Variants in H2BC5 observed in about 807,000 individuals in gnomAD.
H2BC5 encodes histone H2B type 1-D.
A neutral mutation model predicts 5.7 loss-of-function variants in H2BC5; 9 were observed. That is an observed-to-expected ratio of 1.57 (90% confidence interval 0.95 to 2.74). The LOEUF (loss-of-function observed/expected upper bound fraction) is 2.74. H2BC5 is among the 30% of genes most tolerant of loss of function. The pLI, the probability that H2BC5 is intolerant of heterozygous loss-of-function variation, is 0.00. For missense variants in H2BC5, 175 were observed against 168.8 expected (o/e 1.04, Z -0.20); for synonymous variants, 133 against 70.9 (o/e 1.88, Z -4.40).
downstream of H2BC5, among the ~76,000 whole-genome samples, chr6:26,159,978 A>G (rs1764326683): frequency 6.6e-6 from 1 of 152,190 alleles, no homozygotes; most frequent in South Asian, 2.1e-4. Context: ...AGCCTGATAT[A>G]TCTTCTTAGG....
chr6:26,167,049 C>CTTT (rs149341201), intron 1 of H2BC5, among the ~76,000 whole-genome samples: 6,412 of 96,946 alleles, frequency 0.066, 110 homozygotes, highest in African/African-American at 0.077. Flanking sequence ...TTTGTTTTCT[C>CTTT]TTTTTTTTTT....
intron 1 of H2BC5, among the ~76,000 whole-genome samples, chr6:26,169,231 T>C (rs1764482128): frequency 6.6e-6 from 1 of 151,974 alleles, no homozygotes; most frequent in Non-Finnish European, 1.5e-5. Flanking sequence ...TCATGAAGGA[T>C]TTGTAAGGAA....
downstream of H2BC5, among the ~76,000 whole-genome samples, chr6:26,161,644 T>G (rs1359054945): frequency 6.6e-6 from 1 of 151,780 alleles, no homozygotes; most frequent in Non-Finnish European, 1.5e-5. Flanking sequence ...TGGTGGTGCG[T>G]GCTTGTGGTC....
intron 1 of H2BC5, among the ~76,000 whole-genome samples, chr6:26,170,009 G>A (rs1764495049): frequency 6.6e-6 from 1 of 152,256 alleles, no homozygotes. Flanking sequence ...AAAACAAAAA[G>A]GGGACATGAG....
chr6:26,160,440 G>A (rs1010721796), downstream of H2BC5, among the ~76,000 whole-genome samples: 1 of 148,772 alleles, frequency 6.7e-6, no homozygotes, highest in Non-Finnish European at 1.5e-5. Flanking sequence ...GGTGGCTAAT[G>A]CCTGTAATCC....
At chr6:26,161,544 G>A (rs1003528588), downstream of H2BC5, among the ~76,000 whole-genome samples, 1 of 152,152 alleles carries the variant, frequency 6.6e-6, no homozygotes, top group Non-Finnish European at 1.5e-5. Context: ...GCCAAGGCAG[G>A]AGGATTGCTT....
chr6:26,158,141 G>T lies in H2BC5; in HGVS notation c.-29G>T. On this transcript the variant is annotated 5_prime_UTR_variant, in exon 1 of 1. Coordinates refer to ENST00000377777, the MANE Select transcript of H2BC5 (RefSeq NM_021063.4). ...GGAGTGATTATTTTCTCAGGTGTTT[G>T]CAACAGTGTTCTAACTATTAACGCT... 1 of 1,595,816 alleles carries T rather than the reference G, an allele frequency of 6.3e-7. No individual in the cohort carries two copies. The highest frequency in any genetic ancestry group is 8.5e-7 in the Non-Finnish European group (1 of 1,172,182).
At chr6:26,160,091 G>A (rs531232925), downstream of H2BC5, among the ~76,000 whole-genome samples, 1 of 152,222 alleles carries the variant, frequency 6.6e-6, no homozygotes, top group African/African-American at 2.4e-5. Context: ...AGTCAGCTCC[G>A]AAGTTGGGTT....
rs144921146 is a variant in H2BC5 at position 26,158,535 on chromosome 6, C to T, written c.366C>T (p.Tyr122=). The T allele has an allele frequency of 4.3e-6, 7 of 1,614,116 alleles. No individual in the cohort carries two copies. Among genetic ancestry groups the T allele is most frequent in the Middle Eastern group, 1.6e-4 (1 of 6,084 alleles). ...AGGGCACCAAGGCCGTCACCAAGTA[C>T]ACCAGTTCCAAGTAACTTTGCCAAG... ...VSEGTKAVTK[Y]TSSK is the part of the protein sequence containing the mutation. The change falls in exon 1 of 1, where the codon TAC becomes TAT. Residue 122 remains tyrosine, a synonymous_variant. Transcript: ENST00000377777.
In H2BC5 at chr6:26,158,589, C is replaced by T; in HGVS notation, c.*39C>T. 2.5e-6 allele frequency: 4 copies of T among 1,602,022 alleles called. No homozygotes were observed. Among genetic ancestry groups the T allele is most frequent in the African/African-American group, 2.7e-5 (2 of 74,336 alleles). The stretch of plus-strand genomic sequence containing the variant: ...GCATCTTTACACCTAATCCCAAAGG[C>T]TCTTTTAAGAGCCACGCATGTTTTC... On this transcript the variant is annotated 3_prime_UTR_variant, in exon 1 of 1. Coordinates refer to ENST00000377777, the MANE Select transcript of H2BC5 (RefSeq NM_021063.4).
Position 26,158,466 on chromosome 6 carries a change from G to A in H2BC5, c.297G>A (p.Val99=). ...TITSREIQTA[V]RLLLPGELAK... ...CCTCCAGGGAGATCCAGACGGCCGT[G>A]CGCCTGCTGCTTCCGGGGGAGCTGG... Residue 99 remains valine (V), a synonymous_variant, in exon 1 of 1, where the codon GTG becomes GTA. Transcript: ENST00000377777. 1.2e-6 allele frequency: 2 copies of A among 1,614,238 alleles called. No individual in the cohort carries two copies. The highest frequency in any genetic ancestry group is 1.7e-6 in the Non-Finnish European group (2 of 1,180,052).
downstream of H2BC5, chr6:26,160,780 A>C (rs1164004989): frequency 4.6e-5 from 7 of 151,986 alleles, no homozygotes; most frequent in Admixed American, 3.3e-4. Context: ...GAGGCAGGAG[A>C]ATCGCGTGAA....
intron 1 of H2BC5, among the ~76,000 whole-genome samples, chr6:26,167,366 G>C (rs1581436237): frequency 6.6e-6 from 1 of 152,174 alleles, no homozygotes; most frequent in East Asian, 1.9e-4. Flanking sequence ...TTAAGGGGCA[G>C]GTTTCTCTTT....
downstream of H2BC5, among the ~76,000 whole-genome samples, chr6:26,162,011 TAAATATTTA>T (rs1228529005): frequency 6.6e-6 from 1 of 152,152 alleles, no homozygotes; most frequent in Non-Finnish European, 1.5e-5. Context: ...GTTAACAAAG[TAAATATTTA>T]AACAGAAAAA....
chr6:26,159,629 G>A (rs899605153), downstream of H2BC5, among the ~76,000 whole-genome samples: 4 of 152,164 alleles, frequency 2.6e-5, no homozygotes, highest in Admixed American at 2.6e-4. Context: ...TGAAAAATGT[G>A]AGATGGATGA....
At chr6:26,166,905 T>A (rs1019789555) in intron 1 of H2BC5, among the ~76,000 whole-genome samples, 2 of 151,618 alleles carry the variant, frequency 1.3e-5, no homozygotes, top group African/African-American at 4.8e-5. Context: ...TTCACCATGT[T>A]GACGAGGCTG....
In H2BC5 at chr6:26,158,597, A is replaced by G. The variant is rs777274172; in HGVS notation, c.*47A>G. On this transcript the variant is annotated 3_prime_UTR_variant, in exon 1 of 1. Transcript: ENST00000377777. ...ACACCTAATCCCAAAGGCTCTTTTA[A>G]GAGCCACGCATGTTTTCAATAAATG... The G allele has an allele frequency of 1.3e-5, 21 of 1,597,518 alleles. No individual in the cohort carries two copies. Among genetic ancestry groups the G allele is most frequent in the Non-Finnish European group, 1.8e-5 (21 of 1,172,926 alleles).
At chr6:26,160,514 G>GAAAA (rs34183291), downstream of H2BC5, among the ~76,000 whole-genome samples, 3 of 55,154 alleles carry the variant, frequency 5.4e-5, no homozygotes, top group Non-Finnish European at 9.8e-5. Context: ...TCCTGTCTCT[G>GAAAA]AAAAAAAAAA....
chr6:26,166,769 G>A (rs867222632), intron 1 of H2BC5, among the ~76,000 whole-genome samples: 1 of 129,340 alleles, frequency 7.7e-6, no homozygotes, highest in African/African-American at 2.9e-5. Context: ...GTTTGATCTT[G>A]GCTCACTGCA....
Sources: allele counts gnomAD v4.1 joint callset (sites outside exome capture counted in the v4.1 genomes callset), GRCh38; gene constraint gnomAD v4.1.1; transcripts MANE v1.5; gene names NCBI Gene and HGNC (gene_info 2026-07-23, HGNC 2026-07-21).